MAP2K2: variants seen among roughly 807,000 people sequenced by gnomAD.
The protein encoded by MAP2K2 is mitogen-activated protein kinase kinase 2, also known as dual specificity mitogen-activated protein kinase kinase 2.
Under a neutral mutation model 43.7 loss-of-function variants are expected in MAP2K2, and 24 were observed. The ratio of observed to expected loss-of-function variants is 0.55; its 90% CI spans 0.40 to 0.77. MAP2K2 has a LOEUF of 0.77. Among genes scored for constraint, MAP2K2 ranks in the 30% least tolerant of loss-of-function variants. The probability of loss-of-function intolerance (pLI) is 0.00; values close to 1 mark genes in which losing one functional copy is unlikely to be tolerated. For missense variants in MAP2K2, 470 were observed against 566.8 expected, an observed-to-expected ratio of 0.83 and a Z score of 1.73; for synonymous variants, 244 against 239.7, an observed-to-expected ratio of 1.02 and a Z score of -0.17.
intron 7 of MAP2K2, among the ~76,000 whole-genome samples, 163 bp downstream of exon 7, chr19:4,099,038 G>A (rs919275450): frequency 2.6e-5 from 4 of 152,208 alleles, no homozygotes; most frequent in Admixed American, 6.5e-5. Context: ...CTCTGTCCCC[G>A]GAAACCCCAG....
Position 4,110,560 on chromosome 19 carries a change from G to A in MAP2K2, c.399C>T (p.Phe133=), listed in dbSNP as rs145524962. ...CCCCGTCACTGTAGAAGGCCCCGTA[G>A]AAGCCCACGATGTACGGCGAGTTGC... ...HECNSPYIVG[F]YGAFYSDGEI... The change falls in exon 3 of 11, where the codon TTC becomes TTT. Residue 133 remains phenylalanine (F), a synonymous_variant. Coordinates refer to ENST00000262948, the MANE Select transcript of MAP2K2 (RefSeq NM_030662.4). 17 of 1,613,914 alleles carry A rather than the reference G, an allele frequency of 1.1e-5. No homozygotes were observed. The African/African-American group carries it at 2.3e-4, about 22-fold the overall frequency.
At chr19:4,111,255 C>T (rs2041150557) in intron 2 of MAP2K2, among the ~76,000 whole-genome samples, 1 of 152,172 alleles carries the variant, frequency 6.6e-6, no homozygotes, top group Admixed American at 6.5e-5. Context: ...GAGTCACATA[C>T]TTTCAAAGGG....
chr19:4,113,964 C>G (rs1199353098), intron 2 of MAP2K2, among the ~76,000 whole-genome samples: 1 of 152,228 alleles, frequency 6.6e-6, no homozygotes, highest in East Asian at 1.9e-4. Context: ...GCAGCCCACA[C>G]TGCGCTTCCA....
intron 8 of MAP2K2, among the ~76,000 whole-genome samples, chr19:4,095,660 T>C (rs1170341705): frequency 6.6e-6 from 1 of 151,458 alleles, no homozygotes; most frequent in African/African-American, 2.4e-5. Context: ...AAGAGTGGGG[T>C]GCGTCCCCCT....
intron 2 of MAP2K2, among the ~76,000 whole-genome samples, chr19:4,114,844 C>T (rs1369122149): frequency 2.0e-5 from 3 of 152,092 alleles, no homozygotes; most frequent in East Asian, 1.9e-4. Flanking sequence ...GGAGGAGAAT[C>T]GCTTGAACCT....
At chr19:4,095,304 T>C (rs2040901374) in intron 9 of MAP2K2, 84 bp downstream of exon 9, 2 of 1,261,418 alleles carry the variant, frequency 1.6e-6, no homozygotes, top group Admixed American at 2.1e-5. Context: ...ATGGGCAGGC[T>C]GGGCCACGGG....
chr19:4,112,395 G>A (rs2041165047), intron 2 of MAP2K2, among the ~76,000 whole-genome samples: 1 of 152,240 alleles, frequency 6.6e-6, no homozygotes, highest in Admixed American at 6.5e-5. Context: ...CCATGAGGAG[G>A]AGATGGGGGA....
intron 3 of MAP2K2, chr19:4,103,578 C>G (rs1202527315): frequency 7.2e-6 from 1 of 138,888 alleles, no homozygotes; most frequent in Non-Finnish European, 1.6e-5. Flanking sequence ...ATTTCCCCAC[C>G]ATGCTGCTCC....
chr19:4,113,307 C>T (rs557440550), intron 2 of MAP2K2, among the ~76,000 whole-genome samples: 4 of 152,098 alleles, frequency 2.6e-5, no homozygotes, highest in African/African-American at 4.8e-5. Context: ...GCGGCTGCGG[C>T]GTGATCTCAG....
At chr19:4,095,563 G>T in intron 8 of MAP2K2, 114 bp from the exon 9 acceptor site, 1 of 801,336 alleles carries the variant, frequency 1.2e-6, no homozygotes, top group Non-Finnish European at 2.0e-6. Flanking sequence ...AGGCCTGGCC[G>T]ACACCACATG....
chr19:4,114,927 C>T (rs1169688358), intron 2 of MAP2K2, among the ~76,000 whole-genome samples: 1 of 151,848 alleles, frequency 6.6e-6, no homozygotes, highest in Non-Finnish European at 1.5e-5. Context: ...GAGACTCTGT[C>T]TCAAAAAAAT....
rs2145049379 is a variant in MAP2K2, at chr19:4,099,184, G to C, written c.919+17C>G. ...GCACTGCGCGTCCAGACCGGAAGTT[G>C]CAGATTCAGGCCGTACCGCTGACGG... On this transcript the variant is annotated intron_variant, in intron 7 of 10. Transcript: ENST00000262948. 1 of 1,588,674 alleles carries C rather than the reference G, an allele frequency of 6.3e-7. No individual in the cohort carries two copies. Among genetic ancestry groups the C allele is most frequent in the Non-Finnish European group, 8.6e-7 (1 of 1,168,850 alleles).
rs1407142881 is a variant in MAP2K2 at position 4,115,994 on chromosome 19, C to T, written c.303+1425G>A. ...GAGGCTGCATCATGGCCCAGGAGCC[C>T]GGGATGACTAAGCACGGGGGCCGTC... On this transcript the variant is annotated intron_variant, in intron 2 of 10. Transcript: ENST00000262948. This position sits in a 1 kb window ranked among gnomAD's most constrained non-coding sequence, Gnocchi z 4.1. Among the ~76,000 whole-genome samples the T allele has an allele frequency of 6.6e-6, 1 of 152,150 alleles. No homozygotes were observed. The highest frequency in any genetic ancestry group is 2.4e-5 in the African/African-American group (1 of 41,434).
rs1228697550 is a variant in MAP2K2, at chr19:4,101,219, T to A, written c.580+10A>T. ...CCCCGGGGCTCTGGGGAGGGCGGGC[T>A]GGGCCTTACCTCGGTGCATGATCTG... On this transcript the variant is annotated intron_variant, in intron 5 of 10. Coordinates refer to ENST00000262948, the MANE Select transcript of MAP2K2 (RefSeq NM_030662.4). The surrounding 1 kb of genome is among the most constrained non-coding windows in gnomAD (Gnocchi z 6.3). The A allele has an allele frequency of 7.1e-7, 1 of 1,408,728 alleles. No individual in the cohort carries two copies. Among genetic ancestry groups the A allele is most frequent in the African/African-American group, 1.5e-5 (1 of 65,304 alleles). 87.3% of individuals were successfully genotyped at this position (1,408,728 alleles called of 1,614,324 possible). A position where few individuals can be genotyped will look rare whatever the true frequency, so the allele number is the denominator to read the frequency against.
intron 3 of MAP2K2, among the ~76,000 whole-genome samples, chr19:4,108,590 A>G (rs1018642334): frequency 5.3e-5 from 8 of 151,904 alleles, no homozygotes; most frequent in Non-Finnish European, 1.0e-4. Flanking sequence ...CATAACACAG[A>G]CAGCACGGCC....
At chr19:4,096,034 CA>C (rs1299105650) in intron 8 of MAP2K2, among the ~76,000 whole-genome samples, 7 of 152,336 alleles carry the variant, frequency 4.6e-5, no homozygotes, top group Admixed American at 4.6e-4. Flanking sequence ...TGTGGCCTCC[CA>C]AAGTGCTGGA....
chr19:4,118,099 G>A (rs1041148784), intron 1 of MAP2K2, among the ~76,000 whole-genome samples: 2 of 152,038 alleles, frequency 1.3e-5, no homozygotes, highest in African/African-American at 2.4e-5. Flanking sequence ...CACCATGCCC[G>A]GCTAATTTTT....
At chr19:4,119,901 C>T (rs1006191606) in intron 1 of MAP2K2, among the ~76,000 whole-genome samples, 16 of 152,388 alleles carry the variant, frequency 1.0e-4, no homozygotes, top group South Asian at 4.1e-4. Flanking sequence ...GACCACTGTT[C>T]GCCTACAGCT....
chr19:4,099,470 C>T (rs2145050805), intron 6 of MAP2K2, 56 bp from the exon 7 acceptor site: 11 of 1,437,842 alleles, frequency 7.7e-6, no homozygotes, highest in Non-Finnish European at 1.1e-5. Flanking sequence ...CAGCTGGAAC[C>T]CGGGAGGCTT....
Sources: gnomAD v4.1 joint callset for allele counts (sites outside exome capture counted in the v4.1 genomes callset) on GRCh38, gnomAD v4.1.1 for gene constraint, Gnocchi (gnomAD v3.1) non-coding constraint, MANE v1.5 for transcripts, NCBI Gene and HGNC (gene_info 2026-07-23, HGNC 2026-07-21) for gene names.